The following MCU variants were observed in gnomAD, a reference collection of about 807,000 sequenced individuals.
The protein encoded by MCU is calcium uniporter protein, mitochondrial.
In MCU, 12 loss-of-function variants were observed where a neutral mutation model predicts 45.2. The observed-to-expected ratio is 0.27, with a 90% CI of 0.17 to 0.43. The LOEUF (loss-of-function observed/expected upper bound fraction) is 0.43, where lower values mean the gene tolerates loss of function less well. MCU is among the 20% of genes least tolerant of loss of function. The pLI is 1.00. For synonymous variants in MCU, 160 were observed against 165.1 expected (o/e 0.97, Z 0.24); for missense variants, 324 against 436.7 (o/e 0.74, Z 2.30).
chr10:72,751,996 C>T (rs1466014834), intron 1 of MCU, among the ~76,000 whole-genome samples: 5 of 151,830 alleles, frequency 3.3e-5, no homozygotes, highest in African/African-American at 7.3e-5. Flanking sequence ...CCCGCCACCA[C>T]GCTGAGCCAA....
intron 2 of MCU, among the ~76,000 whole-genome samples, chr10:72,846,408 C>T (rs1379846270): frequency 6.6e-6 from 1 of 152,224 alleles, no homozygotes; most frequent in Non-Finnish European, 1.5e-5. Context: ...CTCTCCTGCT[C>T]AGTCCCACCT....
chr10:72,861,010 T>C (rs1001490643), intron 4 of MCU, among the ~76,000 whole-genome samples: 3 of 152,138 alleles, frequency 2.0e-5, no homozygotes, highest in Middle Eastern at 3.4e-3. Context: ...ACATGGTGCA[T>C]GGTTTTTTGT....
chr10:72,840,486 CTT>C (rs1302180667), intron 2 of MCU, among the ~76,000 whole-genome samples: 1 of 152,086 alleles, frequency 6.6e-6, no homozygotes, highest in South Asian at 2.1e-4. Context: ...TTATTAATGA[CTT>C]TTTTGTCAAG....
chr10:72,859,365 A>C lies in MCU; in HGVS notation c.391+18A>C. 2 of 1,591,064 alleles carry C rather than the reference A, an allele frequency of 1.3e-6. No homozygotes were observed. The highest frequency in any genetic ancestry group is 1.7e-6 in the Non-Finnish European group (2 of 1,166,358). On this transcript the variant is annotated intron_variant, in intron 3 of 7. Coordinates refer to ENST00000373053, the MANE Select transcript of MCU (RefSeq NM_138357.3). The stretch of plus-strand genomic sequence containing the variant: ...TTCACCAGGTATAGTCACCATCATT[A>C]TTAATTACCATCTATCCCTCATTTC...
Position 72,693,195 on chromosome 10 carries a change from T to A in MCU, c.150+894T>A, listed in dbSNP as rs547027986. ...GTGAGTGTGTGTGTGTGTGTGTGTG[T>A]GTGTGAGAGAGAGAGAGACAGAGTG... On this transcript the variant is annotated intron_variant, in intron 1 of 7. Transcript: ENST00000373053. The A allele has an allele frequency of 0.013, 11,754 of 909,896 alleles. 791 individuals carry two copies. In the African/African-American group the frequency reaches 0.17, roughly 13 times the overall value. The allele number at this position is 909,896 out of a possible 1,614,324, so 56.4% of individuals were successfully genotyped here.
At chr10:72,779,692 T>C (rs1485382626) in intron 1 of MCU, among the ~76,000 whole-genome samples, 2 of 152,200 alleles carry the variant, frequency 1.3e-5, no homozygotes, top group Non-Finnish European at 2.9e-5. Flanking sequence ...TCAACATCAT[T>C]AGTCATTATA....
chr10:72,823,228 T>C (rs942016575), intron 1 of MCU, among the ~76,000 whole-genome samples: 4 of 152,190 alleles, frequency 2.6e-5, no homozygotes, highest in African/African-American at 9.6e-5. Context: ...TAGATAAGCC[T>C]TGAAAACATC....
At chr10:72,795,557 G>A (rs1224999247) in intron 1 of MCU, among the ~76,000 whole-genome samples, 1 of 152,144 alleles carries the variant, frequency 6.6e-6, no homozygotes, top group Admixed American at 6.6e-5. Flanking sequence ...TAATTTCTGG[G>A]ACTTATATCA....
intron 4 of MCU, among the ~76,000 whole-genome samples, chr10:72,861,295 C>T (rs148140766): frequency 7.9e-5 from 12 of 151,980 alleles, no homozygotes; most frequent in Admixed American, 1.3e-4. Context: ...CAGAGTGTTG[C>T]GATTACAGGC....
intron 1 of MCU, among the ~76,000 whole-genome samples, chr10:72,818,577 C>T (rs528711610): frequency 2.2e-4 from 33 of 152,232 alleles, no homozygotes; most frequent in African/African-American, 6.5e-4. Flanking sequence ...TGGTGGTTCA[C>T]GCCTATAATC....
chr10:72,880,483 G>A (rs112494589), intron 6 of MCU, among the ~76,000 whole-genome samples: 2 of 151,844 alleles, frequency 1.3e-5, no homozygotes, highest in Non-Finnish European at 2.9e-5. Flanking sequence ...CAAAGCGGGG[G>A]GGGGGAAACC....
At chr10:72,770,647 A>G (rs1284985996) in intron 1 of MCU, among the ~76,000 whole-genome samples, 2 of 151,710 alleles carry the variant, frequency 1.3e-5, no homozygotes, top group Non-Finnish European at 2.9e-5. Context: ...CTTATTTACC[A>G]TTTCTGGTTG....
At chr10:72,844,012 G>C (rs994155113) in intron 2 of MCU, among the ~76,000 whole-genome samples, 1 of 152,102 alleles carries the variant, frequency 6.6e-6, no homozygotes, top group Non-Finnish European at 1.5e-5. Flanking sequence ...AGCACTTCGG[G>C]AGGCCAAGGC....
chr10:72,832,526 G>A (rs1022840490), intron 1 of MCU, among the ~76,000 whole-genome samples: 2 of 152,232 alleles, frequency 1.3e-5, no homozygotes, highest in East Asian at 1.9e-4. Flanking sequence ...GAGCCTACAG[G>A]ATCTGCATGA....
intron 2 of MCU, among the ~76,000 whole-genome samples, chr10:72,848,499 A>C (rs1029787553): frequency 1.1e-4 from 16 of 151,764 alleles, no homozygotes; most frequent in African/African-American, 3.6e-4. Context: ...TAACTAACCC[A>C]CTCCTATGAT....
intron 1 of MCU, among the ~76,000 whole-genome samples, chr10:72,714,346 T>TTTTTTTTTTTTTTTTTC (rs1491279982): frequency 1.1e-5 from 1 of 88,922 alleles, no homozygotes; most frequent in Non-Finnish European, 2.1e-5. Flanking sequence ...CGCCCTGGTC[T>TTTTTTTTTTTTTTTTTC]TTTTTTTTTT....
intron 1 of MCU, among the ~76,000 whole-genome samples, chr10:72,713,840 T>C (rs1418783682): frequency 7.9e-5 from 12 of 152,158 alleles, no homozygotes. Context: ...AAGACTTTTT[T>C]AATTTAAAAA....
intron 1 of MCU, among the ~76,000 whole-genome samples, chr10:72,764,080 CTT>C (rs1479151160): frequency 6.6e-6 from 1 of 152,158 alleles, no homozygotes; most frequent in East Asian, 1.9e-4. Flanking sequence ...TAGGAGCTGA[CTT>C]TATTTCCTTT....
chr10:72,746,395 G>T lies in MCU; in HGVS notation c.150+54094G>T, dbSNP rs116332007. ...AAAAACAAAGATTTTTCGTACAGGCGTTTTAACTTTAAGTAGAGGCATAAA... is the reference window on the plus strand; with the variant it reads ...AAAAACAAAGATTTTTCGTACAGGCTTTTTAACTTTAAGTAGAGGCATAAA... On this transcript the variant is annotated intron_variant, in intron 1 of 7. Coordinates refer to ENST00000373053, the MANE Select transcript of MCU (RefSeq NM_138357.3). Among the ~76,000 whole-genome samples the T allele has an allele frequency of 3.0e-3, 454 of 152,236 alleles. 4 individuals carry two copies. The highest frequency in any genetic ancestry group is 0.01 in the African/African-American group (426 of 41,530).
Sources: gnomAD v4.1 joint callset for allele counts (sites outside exome capture counted in the v4.1 genomes callset) on GRCh38, gnomAD v4.1.1 for gene constraint, MANE v1.5 for transcripts, NCBI Gene and HGNC (gene_info 2026-07-23, HGNC 2026-07-21) for gene names.